Variants in PGM3 observed in about 807,000 individuals in gnomAD.
PGM3 encodes phosphoacetylglucosamine mutase.
In PGM3, 40 loss-of-function variants were observed where a neutral mutation model predicts 66.2. The observed-to-expected ratio is 0.60, with a 90% CI of 0.47 to 0.79. The LOEUF is 0.79. Ranked by LOEUF, PGM3 falls within the 30% of genes least tolerant of loss-of-function variation. The pLI is 0.00. For synonymous variants in PGM3, 191 were observed against 224.2 expected (o/e 0.85, Z 1.32); for missense variants, 537 against 643.4 (o/e 0.83, Z 1.79).
At position 83,167,577 on chromosome 6, in the gene PGM3, T is replaced by C; in HGVS notation, c.*1657A>G. On this transcript the variant is annotated 3_prime_UTR_variant, in exon 13 of 13. Transcript: ENST00000513973. Reference sequence around the variant, plus strand: ...AATACAAAGCACAACATAAAACTTTTATGTTTGACTCTATTCCTGTTCAAA... The same window carrying C: ...AATACAAAGCACAACATAAAACTTTCATGTTTGACTCTATTCCTGTTCAAA... The C allele has an allele frequency of 9.1e-7, 1 of 1,103,098 alleles. No individual in the cohort carries two copies. Among genetic ancestry groups the C allele is most frequent in the South Asian group, 4.1e-5 (1 of 24,150 alleles). The allele number at this position is 1,103,098 out of a possible 1,614,324, so 68.3% of individuals were successfully genotyped here.
chr6:83,156,147 T>G, the PGM3 span: 1 of 1,523,998 alleles, frequency 6.6e-7, no homozygotes, highest in South Asian at 1.2e-5. Context: ...ACTACAGGTT[T>G]TTGGTTCCTT....
At chr6:83,176,784 C>T (rs771310703) in intron 8 of PGM3, among the ~76,000 whole-genome samples, 3 of 152,170 alleles carry the variant, frequency 2.0e-5, no homozygotes, top group Admixed American at 6.5e-5. Flanking sequence ...AATATTTCAT[C>T]TGGAAGACAG....
At chr6:83,151,817 C>G in the PGM3 span, 1 of 1,510,034 alleles carries the variant, frequency 6.6e-7, no homozygotes, top group African/African-American at 1.4e-5. Context: ...GAAATATAAA[C>G]TACAGAAGTT....
upstream of PGM3, chr6:83,193,281 T>C (rs1789318155): frequency 1.3e-5 from 2 of 152,310 alleles, no homozygotes; most frequent in African/African-American, 2.4e-5. Flanking sequence ...TGGCCCTGCG[T>C]GGCTTCCGGC....
chr6:83,164,656 A>G (rs1785018843), downstream of PGM3: 1 of 1,570,342 alleles, frequency 6.4e-7, no homozygotes, highest in Non-Finnish European at 8.6e-7. Context: ...CTTTCCTTCC[A>G]CAGGACAAGG....
At chr6:83,155,771 T>A in the PGM3 span, among the ~76,000 whole-genome samples, 1 of 152,380 alleles carries the variant, frequency 6.6e-6, no homozygotes, top group Non-Finnish European at 1.5e-5. Flanking sequence ...ATTTTGGTCC[T>A]CTGGCTTATA....
chr6:83,163,002 A>G (rs1055270759), downstream of PGM3: 2 of 1,423,482 alleles, frequency 1.4e-6, no homozygotes. Flanking sequence ...TTCCTGGGAA[A>G]CTGAGAACGT....
Position 83,186,995 on chromosome 6 carries a change from G to A in PGM3, c.457+13C>T, listed in dbSNP as rs1162629460. ...AATATTAGTTTAATTTCCAACTCAG[G>A]ATAACTACATACCATGGAATTGACC... On this transcript the variant is annotated intron_variant, in intron 4 of 12. Transcript: ENST00000513973. 2.1e-6 allele frequency: 3 copies of A among 1,427,620 alleles called. No homozygotes were observed. Among genetic ancestry groups the A allele is most frequent in the Non-Finnish European group, 2.9e-6 (3 of 1,030,964 alleles). The allele number at this position is 1,427,620 out of a possible 1,614,324, so 88.4% of individuals were successfully genotyped here.
intron 8 of PGM3, 99 bp from the exon 9 acceptor site, chr6:83,176,159 G>A: frequency 2.8e-6 from 2 of 710,298 alleles, no homozygotes; most frequent in Non-Finnish European, 2.6e-6. Context: ...ACAAAATACT[G>A]GGGCCGAGTC....
At chr6:83,169,718 G>C in intron 12 of PGM3, 1 of 459,080 alleles carries the variant, frequency 2.2e-6, no homozygotes, top group Non-Finnish European at 4.4e-6. Context: ...CAGGAAAGCT[G>C]CCAAATGTCT....
chr6:83,169,022 T>G lies in PGM3; in HGVS notation c.*212A>C. ...TCCCAGTATTTTACATTAGTGAGAC[T>G]GAAATTAGAGGTAAATTTCTTTAAC... On this transcript the variant is annotated 3_prime_UTR_variant, in exon 13 of 13. Coordinates refer to ENST00000513973, the MANE Select transcript of PGM3 (RefSeq NM_015599.3). 1 of 1,354,406 alleles carries G rather than the reference T, an allele frequency of 7.4e-7. No homozygotes were observed. The highest frequency in any genetic ancestry group is 9.5e-7 in the Non-Finnish European group (1 of 1,052,774). 83.9% of individuals were successfully genotyped at this position (1,354,406 alleles called of 1,614,324 possible).
downstream of PGM3, among the ~76,000 whole-genome samples, chr6:83,162,147 T>C (rs1263426343): frequency 6.6e-6 from 1 of 152,286 alleles, no homozygotes; most frequent in East Asian, 1.9e-4. Context: ...CTGGACGGAC[T>C]TACGAAGCTG....
chr6:83,160,056 T>C (rs1393031735), downstream of PGM3: 13 of 1,178,792 alleles, frequency 1.1e-5, no homozygotes, highest in Non-Finnish European at 6.0e-6. Context: ...TTTGTGTAAG[T>C]TGAAATATTC....
downstream of PGM3, chr6:83,162,654 A>C: frequency 1.1e-6 from 1 of 913,314 alleles, no homozygotes; most frequent in East Asian, 2.6e-5. Flanking sequence ...CAAAGTGACA[A>C]GGCTACGAGT....
At chr6:83,180,341 GT>G (rs1788086546) in intron 6 of PGM3, among the ~76,000 whole-genome samples, 1 of 152,152 alleles carries the variant, frequency 6.6e-6, no homozygotes, top group African/African-American at 2.4e-5. Context: ...ACTAGATGAT[GT>G]ATGTGCTTTA....
At chr6:83,191,707 G>A (rs1413244677) in intron 1 of PGM3, among the ~76,000 whole-genome samples, 1 of 152,100 alleles carries the variant, frequency 6.6e-6, no homozygotes, top group Non-Finnish European at 1.5e-5. Context: ...ATAAAACATC[G>A]GCCGGGAGCG....
chr6:83,156,199 C>A, downstream of PGM3: 1 of 970,626 alleles, frequency 1.0e-6, no homozygotes, highest in Non-Finnish European at 1.5e-6. Flanking sequence ...TAAAATATAT[C>A]AAGTGTAGAT....
At chr6:83,156,846 GTTGACTAGA>G (rs953272975), downstream of PGM3, among the ~76,000 whole-genome samples, 1 of 151,950 alleles carries the variant, frequency 6.6e-6, no homozygotes, top group Non-Finnish European at 1.5e-5. Context: ...TTTTGTTTAA[GTTGACTAGA>G]TCAGTGCTAC....
At chr6:83,183,186 TA>T (rs1473974873) in intron 4 of PGM3, among the ~76,000 whole-genome samples, 1 of 152,092 alleles carries the variant, frequency 6.6e-6, no homozygotes, top group Admixed American at 6.5e-5. Context: ...GGTAACAATG[TA>T]AATATAAAGC....
Sources: allele counts gnomAD v4.1 joint callset (sites outside exome capture counted in the v4.1 genomes callset), GRCh38; gene constraint gnomAD v4.1.1; transcripts MANE v1.5; gene names NCBI Gene and HGNC (gene_info 2026-07-23, HGNC 2026-07-21).